NRXN1: variants seen among roughly 807,000 people sequenced by gnomAD.
NRXN1 encodes neurexin 1, also known as neurexin-1.
A neutral mutation model predicts 150.9 loss-of-function variants in NRXN1; 39 were observed. The ratio of observed to expected loss-of-function variants is 0.26; its 90% CI spans 0.20 to 0.34. The LOEUF is 0.34. NRXN1 is among the 10% of genes least tolerant of loss of function. The pLI, the probability that NRXN1 is intolerant of heterozygous loss-of-function variation, is 1.00. For synonymous variants in NRXN1, 924 were observed against 757.0 expected (o/e 1.22, Z -3.62); for missense variants, 1,815 against 1,949.9 (o/e 0.93, Z 1.30).
chr2:50,115,213 AT>A (rs1702882289), intron 18 of NRXN1, among the ~76,000 whole-genome samples: 1 of 99,344 alleles, frequency 1.0e-5, no homozygotes, highest in Non-Finnish European at 2.1e-5. Flanking sequence ...TATATATGTT[AT>A]GTGTATATAT....
At chr2:49,974,179 G>A (rs1168695488) in intron 21 of NRXN1, 7 of 709,290 alleles carry the variant, frequency 9.9e-6, no homozygotes, top group African/African-American at 8.8e-5. Context: ...CCTGCACACA[G>A]ATGGGCGAGA....
At position 49,920,673 on chromosome 2, in the gene NRXN1, A is replaced by G. The variant is rs1558501808; in HGVS notation, c.*1271T>C. The stretch of plus-strand genomic sequence containing the variant: ...TGTATGCACGTTTGGATCTTCCAGC[A>G]TATCTGATGGATTGCTGTGGATTCG... On this transcript the variant is annotated 3_prime_UTR_variant, in exon 23 of 23. Coordinates refer to ENST00000401669, the MANE Select transcript of NRXN1 (RefSeq NM_001330078.2). The G allele has an allele frequency of 6.6e-6, 1 of 151,124 alleles. No individual in the cohort carries two copies. Among genetic ancestry groups the G allele is most frequent in the South Asian group, 2.1e-4 (1 of 4,778 alleles). The allele number at this position is 151,124 out of a possible 1,614,324, so 9.4% of individuals were successfully genotyped here.
At chr2:49,943,880 G>T in intron 21 of NRXN1, 89 bp from the exon 22 acceptor site, 1 of 992,784 alleles carries the variant, frequency 1.0e-6, no homozygotes, top group Non-Finnish European at 1.6e-6. Context: ...AATACAATTT[G>T]TTTATCAAGA....
At chr2:50,961,398 G>T (rs1350541905) in intron 2 of NRXN1, among the ~76,000 whole-genome samples, 1 of 151,640 alleles carries the variant, frequency 6.6e-6, no homozygotes, top group East Asian at 1.9e-4. Flanking sequence ...AGAAAAAAAA[G>T]GGTTATATAT....
chr2:50,986,790 GAATGGAAAAAAGC>G (rs1697793173), intron 2 of NRXN1, among the ~76,000 whole-genome samples: 1 of 150,916 alleles, frequency 6.6e-6, no homozygotes, highest in African/African-American at 2.4e-5. Flanking sequence ...CAAAACATAG[GAATGGAAAAAAGC>G]AACTCACAGA....
chr2:50,853,285 T>G (rs973082270), intron 5 of NRXN1, among the ~76,000 whole-genome samples: 1 of 152,116 alleles, frequency 6.6e-6, no homozygotes, highest in Non-Finnish European at 1.5e-5. Flanking sequence ...ATTTTCATAA[T>G]GAAAATCTGC....
chr2:50,328,916 T>G (rs2076565661), intron 17 of NRXN1, among the ~76,000 whole-genome samples: 1 of 152,168 alleles, frequency 6.6e-6, no homozygotes, highest in African/African-American at 2.4e-5. Context: ...TCTCTTGTTA[T>G]TTCAAGCACA....
chr2:50,537,191 G>A lies in NRXN1; in HGVS notation c.2143+1062C>T, dbSNP rs1332884959. 2.0e-5 allele frequency among the ~76,000 whole-genome samples: 3 copies of A among 151,970 alleles called. No homozygotes were observed. In the South Asian group the frequency reaches 6.2e-4, roughly 32 times the overall value. On this transcript the variant is annotated intron_variant, in intron 10 of 22. Coordinates refer to ENST00000401669, the MANE Select transcript of NRXN1 (RefSeq NM_001330078.2). Reference sequence around the variant, plus strand: ...GGCAAACTGAACTGAACTATTTCAGGAATAAAAAAGGGAAACAATAAATAT... The same window carrying A: ...GGCAAACTGAACTGAACTATTTCAGAAATAAAAAAGGGAAACAATAAATAT...
intron 17 of NRXN1, among the ~76,000 whole-genome samples, chr2:50,366,195 G>A (rs1190182663): frequency 6.8e-6 from 1 of 148,124 alleles, no homozygotes; most frequent in Non-Finnish European, 1.5e-5. Flanking sequence ...TTTGCTGACA[G>A]GTTAGAGAAT....
intron 18 of NRXN1, among the ~76,000 whole-genome samples, chr2:50,166,424 A>G (rs1035909294): frequency 6.6e-6 from 1 of 151,916 alleles, no homozygotes; most frequent in African/African-American, 2.4e-5. Flanking sequence ...AGCCTCACAG[A>G]ACTGAATACT....
intron 18 of NRXN1, among the ~76,000 whole-genome samples, chr2:50,189,635 C>T (rs2061327680): frequency 6.6e-6 from 1 of 151,944 alleles, no homozygotes; most frequent in Non-Finnish European, 1.5e-5. Context: ...GATCAATTGA[C>T]AAAGCCTTCT....
intron 17 of NRXN1, among the ~76,000 whole-genome samples, chr2:50,393,545 A>C (rs927080284): frequency 1.3e-5 from 2 of 152,156 alleles, no homozygotes; most frequent in Non-Finnish European, 2.9e-5. Flanking sequence ...TGAGAAAGAT[A>C]GGTAAAATTA....
chr2:50,950,073 A>G (rs2104574722), intron 2 of NRXN1, among the ~76,000 whole-genome samples: 1 of 152,168 alleles, frequency 6.6e-6, no homozygotes, highest in East Asian at 1.9e-4. Context: ...CACTGGAACT[A>G]TCTCCTGGCC....
intron 5 of NRXN1, among the ~76,000 whole-genome samples, chr2:50,660,038 G>A (rs1335575990): frequency 6.6e-6 from 1 of 151,986 alleles, no homozygotes; most frequent in East Asian, 2.0e-4. Context: ...AACAGTGCTT[G>A]GTGTTCAGGG....
intron 19 of NRXN1, among the ~76,000 whole-genome samples, chr2:50,058,580 CTAATGACTTTTCTGCTGCAAAAT>C (rs1182126937): frequency 1.3e-5 from 2 of 152,154 alleles, no homozygotes; most frequent in African/African-American, 4.8e-5. Flanking sequence ...GAATAAAAAA[CTAATGACTTTTCTGCTGCAAAAT>C]TATATGCAGA....
intron 5 of NRXN1, among the ~76,000 whole-genome samples, chr2:50,714,325 A>T (rs1695582291): frequency 6.6e-6 from 1 of 152,122 alleles, no homozygotes; most frequent in South Asian, 2.1e-4. Flanking sequence ...GCCATAATTC[A>T]GACCTCCCTG....
Position 50,700,779 on chromosome 2 carries a change from A to G in NRXN1, c.833-77164T>C, listed in dbSNP as rs144663302. On this transcript the variant is annotated intron_variant, in intron 5 of 22. Transcript: ENST00000401669. ...TTTTTTATTTGATACCTAGACCAATAGATTTCCAAAGAGCTGGGATCAAGA... is the reference window on the plus strand; with the variant it reads ...TTTTTTATTTGATACCTAGACCAATGGATTTCCAAAGAGCTGGGATCAAGA... Among the ~76,000 whole-genome samples the G allele has an allele frequency of 2.0e-5, 3 of 152,030 alleles. No individual in the cohort carries two copies. The East Asian group carries it at 5.8e-4, about 29-fold the overall frequency.
Position 50,823,650 on chromosome 2 carries a change from G to A in NRXN1, c.832+98219C>T, listed in dbSNP as rs149828418. ...TTTTGTCTACATGCTAATTAAGTACGCCAAATTGTTTTCTATGCTTCTAGA... is the reference window on the plus strand; with the variant it reads ...TTTTGTCTACATGCTAATTAAGTACACCAAATTGTTTTCTATGCTTCTAGA... On this transcript the variant is annotated intron_variant, in intron 5 of 22. Coordinates refer to ENST00000401669, the MANE Select transcript of NRXN1 (RefSeq NM_001330078.2). Among the ~76,000 whole-genome samples the A allele has an allele frequency of 2.6e-5, 4 of 152,076 alleles. No individual in the cohort carries two copies. The East Asian group carries it at 7.7e-4, about 29-fold the overall frequency.
chr2:50,097,840 T>C (rs1197910512), intron 18 of NRXN1, among the ~76,000 whole-genome samples: 2 of 152,032 alleles, frequency 1.3e-5, no homozygotes, highest in African/African-American at 4.8e-5. Context: ...GGTTTTTCCA[T>C]GTTGGTCAGG....
Sources: allele counts gnomAD v4.1 joint callset (sites outside exome capture counted in the v4.1 genomes callset), GRCh38; gene constraint gnomAD v4.1.1; transcripts MANE v1.5; gene names NCBI Gene and HGNC (gene_info 2026-07-23, HGNC 2026-07-21).